Variants in CREB3L2 observed in about 807,000 individuals in gnomAD.
CREB3L2 encodes cyclic AMP-responsive element-binding protein 3-like protein 2.
A neutral mutation model predicts 57.2 loss-of-function variants in CREB3L2; 23 were observed. The ratio of observed to expected loss-of-function variants is 0.40; its 90% CI spans 0.29 to 0.57. The LOEUF is 0.57. CREB3L2 is among the 20% of genes least tolerant of loss of function. The probability of loss-of-function intolerance (pLI) is 0.42; values close to 1 mark genes in which losing one functional copy is unlikely to be tolerated. For missense variants in CREB3L2, 628 were observed against 634.7 expected (o/e 0.99, Z 0.11); for synonymous variants, 268 against 265.1 (o/e 1.01, Z -0.11).
intron 8 of CREB3L2, among the ~76,000 whole-genome samples, chr7:137,897,551 G>A (rs1799653685): frequency 6.6e-6 from 1 of 152,104 alleles, no homozygotes; most frequent in Non-Finnish European, 1.5e-5. Flanking sequence ...TGTATTTTTA[G>A]TAGAGATGGG....
intron 1 of CREB3L2, among the ~76,000 whole-genome samples, chr7:137,944,989 C>T (rs1251844621): frequency 1.3e-5 from 2 of 152,098 alleles, no homozygotes; most frequent in African/African-American, 4.8e-5. Flanking sequence ...GTCTCTCGGG[C>T]TCAAGCGATT....
chr7:137,957,145 A>G (rs541171441), intron 1 of CREB3L2, among the ~76,000 whole-genome samples: 13 of 152,080 alleles, frequency 8.5e-5, no homozygotes, highest in African/African-American at 3.1e-4. Flanking sequence ...ACTCCTCCCC[A>G]TCTTGAACAC....
At position 137,880,482 on chromosome 7, in the gene CREB3L2, A is replaced by G; in HGVS notation, c.1557T>C (p.Thr519=). Residue 519 remains threonine, a synonymous_variant, in exon 12 of 12, where the codon ACT becomes ACC. Transcript: ENST00000330387. The surrounding 1 kb of genome is among the most constrained non-coding windows in gnomAD (Gnocchi z 4.0). ...GGGGGTGCAGGCAGCCTCTTTAGAA[A>G]GTGGTGTTCACTCTTCTGTCGAGTT... is the stretch of plus-strand genomic sequence containing the variant. ...VVELDRRVNT[T]F 6.2e-7 allele frequency: 1 copy of G among 1,612,988 alleles called. No individual in the cohort carries two copies. Among genetic ancestry groups the G allele is most frequent in the Non-Finnish European group, 8.5e-7 (1 of 1,179,256 alleles).
chr7:137,947,341 A>C (rs143135905), intron 1 of CREB3L2, among the ~76,000 whole-genome samples: 1 of 152,186 alleles, frequency 6.6e-6, no homozygotes, highest in African/African-American at 2.4e-5. Context: ...AACTGGCTAC[A>C]TCTCTGTCCA....
chr7:137,916,082 A>T (rs989289090), intron 2 of CREB3L2, 70 bp from the exon 3 acceptor site: 28 of 1,305,832 alleles, frequency 2.1e-5, no homozygotes, highest in Non-Finnish European at 2.6e-5. Context: ...ACAAGCGACC[A>T]CTAGTCTTTC....
chr7:137,903,054 C>T (rs559213217), intron 7 of CREB3L2, among the ~76,000 whole-genome samples: 1 of 152,258 alleles, frequency 6.6e-6, no homozygotes, highest in African/African-American at 2.4e-5. Context: ...CTCAAGCAAT[C>T]CTCTCACCTT....
At chr7:137,976,931 C>A (rs1195358366) in intron 1 of CREB3L2, among the ~76,000 whole-genome samples, 1 of 152,234 alleles carries the variant, frequency 6.6e-6, no homozygotes, top group South Asian at 2.1e-4. Context: ...CTGCCATCTT[C>A]TTGCACGTAC....
At chr7:137,917,453 C>A (rs1026147588) in intron 2 of CREB3L2, among the ~76,000 whole-genome samples, 1 of 152,166 alleles carries the variant, frequency 6.6e-6, no homozygotes, top group Non-Finnish European at 1.5e-5. Context: ...AGCAAAGACA[C>A]GCTCCTTTGC....
intron 8 of CREB3L2, among the ~76,000 whole-genome samples, chr7:137,895,126 C>A (rs1480548885): frequency 6.6e-6 from 1 of 152,166 alleles, no homozygotes; most frequent in Non-Finnish European, 1.5e-5. Flanking sequence ...GCAAACTGAG[C>A]CACAAACGCC....
At chr7:137,953,550 G>A (rs1384695572) in intron 1 of CREB3L2, 1 of 1,280,908 alleles carries the variant, frequency 7.8e-7, no homozygotes. Flanking sequence ...GAGGAGGGGA[G>A]AGTTGGGTGG....
At position 137,885,001 on chromosome 7, in the gene CREB3L2, A is replaced by C. The variant is rs1799380766; in HGVS notation, c.1264T>G (p.Ser422Ala). ...TTGCCACATGCTGTCTTACCCACGG[A>C]GGCTGTGTAGGGCTCCTGCAGGGAA... The part of the protein sequence containing the change: ...QHSLQEPYTA[S>A]VVRSRNLLIY... Residue 422 changes from serine (S) to alanine (A), a missense_variant, in exon 10 of 12, where the codon TCC becomes GCC. This residue lies in a region of CREB3L2 where 272 missense variants were observed against 242.7 expected (regional missense o/e 1.12). Coordinates refer to ENST00000330387, the MANE Select transcript of CREB3L2 (RefSeq NM_194071.4). 6.2e-7 allele frequency: 1 copy of C among 1,614,064 alleles called. No homozygotes were observed. Among genetic ancestry groups the C allele is most frequent in the African/African-American group, 1.3e-5 (1 of 74,914 alleles).
At chr7:137,909,069 C>T (rs1313287203) in intron 4 of CREB3L2, among the ~76,000 whole-genome samples, 1 of 152,180 alleles carries the variant, frequency 6.6e-6, no homozygotes. Context: ...CACTGCCCTC[C>T]AGCCTGGGTG....
rs892495143 is a variant in CREB3L2 at position 137,876,639 on chromosome 7, T to C, written c.*3837A>G. On this transcript the variant is annotated 3_prime_UTR_variant, in exon 12 of 12. Transcript: ENST00000330387. ...CCTCCCAGCGGGGCCTATCCTAGCA[T>C]GTGTCTATGGATAGTCTCACCTGAA... 4.3e-6 allele frequency: 1 copy of C among 232,830 alleles called. No individual in the cohort carries two copies. Among genetic ancestry groups the C allele is most frequent in the African/African-American group, 2.2e-5 (1 of 45,274 alleles). The allele number at this position is 232,830 out of a possible 1,614,324, so 14.4% of individuals were successfully genotyped here. A position where few individuals can be genotyped will look rare whatever the true frequency, so the allele number is the denominator to read the frequency against.
At chr7:137,885,213 C>A in intron 9 of CREB3L2, 92 bp from the exon 10 acceptor site, 1 of 1,443,486 alleles carries the variant, frequency 6.9e-7, no homozygotes, top group South Asian at 1.3e-5. Context: ...CACAGACTCT[C>A]CTCTTCAGGC....
chr7:137,888,703 G>A (rs1391539859), intron 8 of CREB3L2, among the ~76,000 whole-genome samples: 1 of 152,036 alleles, frequency 6.6e-6, no homozygotes, highest in Admixed American at 6.6e-5. Flanking sequence ...GTAGGAATGG[G>A]TCTCTCCTTC....
At chr7:137,963,050 T>A (rs1801351944) in intron 1 of CREB3L2, among the ~76,000 whole-genome samples, 1 of 152,216 alleles carries the variant, frequency 6.6e-6, no homozygotes, top group South Asian at 2.1e-4. Context: ...TTCATGAAGA[T>A]GTCTCCCTCC....
intron 1 of CREB3L2, among the ~76,000 whole-genome samples, chr7:137,958,390 C>G (rs1036627488): frequency 6.6e-5 from 10 of 152,070 alleles, no homozygotes; most frequent in African/African-American, 2.4e-4. Context: ...TTTGGCCAGG[C>G]ACAGTGGTTC....
Position 137,877,498 on chromosome 7 carries a change from A to G in CREB3L2, c.*2978T>C. 1 of 225,922 alleles carries G rather than the reference A, an allele frequency of 4.4e-6. No individual in the cohort carries two copies. The highest frequency in any genetic ancestry group is 2.2e-5 in the African/African-American group (1 of 45,012). The allele number at this position is 225,922 out of a possible 1,614,324, so 14.0% of individuals were successfully genotyped here. ...ATATCCCTTTTTAAGTGCAAAGTCG[A>G]GGGCTGTGAAAAGAACCACGGTGGG... On this transcript the variant is annotated 3_prime_UTR_variant, in exon 12 of 12. Coordinates refer to ENST00000330387, the MANE Select transcript of CREB3L2 (RefSeq NM_194071.4).
intron 1 of CREB3L2, among the ~76,000 whole-genome samples, chr7:137,974,107 G>A (rs112606394): frequency 0.018 from 2,704 of 151,960 alleles, 93 homozygotes; most frequent in African/African-American, 0.062. Flanking sequence ...AAAAATACTT[G>A]TCCTACCTAC....
Sources: gnomAD v4.1 joint callset for allele counts (sites outside exome capture counted in the v4.1 genomes callset) on GRCh38, gnomAD v4.1.1 for gene constraint, gnomAD v4.1.1 regional missense constraint, Gnocchi (gnomAD v3.1) non-coding constraint, MANE v1.5 for transcripts, NCBI Gene and HGNC (gene_info 2026-07-23, HGNC 2026-07-21) for gene names.